GRID2: variants seen among roughly 807,000 people sequenced by gnomAD.
GRID2 encodes glutamate receptor ionotropic, delta-2.
Under a neutral mutation model 114.8 loss-of-function variants are expected in GRID2, and 33 were observed. That is an observed-to-expected ratio of 0.29 (90% confidence interval 0.22 to 0.38). The LOEUF is 0.38. Among genes scored for constraint, GRID2 ranks in the 10% least tolerant of loss-of-function variants. The probability of loss-of-function intolerance (pLI) is 1.00; values close to 1 mark genes in which losing one functional copy is unlikely to be tolerated. For missense variants in GRID2, 1,184 were observed against 1,257.7 expected (o/e 0.94, Z 0.89); for synonymous variants, 505 against 449.9 (o/e 1.12, Z -1.55).
At chr4:93,305,837 G>A (rs968324733) in intron 8 of GRID2, among the ~76,000 whole-genome samples, 5 of 150,752 alleles carry the variant, frequency 3.3e-5, no homozygotes, top group Admixed American at 6.6e-5. Flanking sequence ...GTCTGCCTTG[G>A]ACATAATACA....
intron 9 of GRID2, among the ~76,000 whole-genome samples, chr4:93,401,624 C>T (rs1289239886): frequency 1.3e-5 from 2 of 151,912 alleles, no homozygotes; most frequent in African/African-American, 4.8e-5. Flanking sequence ...GGAAATATAC[C>T]AATTAGAAAA....
At chr4:93,704,737 T>C (rs1027448866) in intron 14 of GRID2, among the ~76,000 whole-genome samples, 1 of 152,198 alleles carries the variant, frequency 6.6e-6, no homozygotes, top group Non-Finnish European at 1.5e-5. Context: ...TTTTTTCACC[T>C]AACATAATGA....
At chr4:93,475,790 A>G (rs1337097373) in intron 11 of GRID2, among the ~76,000 whole-genome samples, 1 of 152,114 alleles carries the variant, frequency 6.6e-6, no homozygotes, top group Non-Finnish European at 1.5e-5. Flanking sequence ...GATTGATTGA[A>G]TCTCTGAAAA....
chr4:93,394,896 T>C (rs146182130), intron 8 of GRID2, among the ~76,000 whole-genome samples: 19 of 152,120 alleles, frequency 1.2e-4, no homozygotes, highest in African/African-American at 4.1e-4. Context: ...TTCAGATATA[T>C]AGACAGTAAT....
intron 2 of GRID2, among the ~76,000 whole-genome samples, chr4:92,967,757 A>G (rs1289487980): frequency 1.3e-5 from 2 of 151,938 alleles, no homozygotes; most frequent in Non-Finnish European, 2.9e-5. Context: ...TATATTGTAG[A>G]ATGTGGAGGG....
intron 1 of GRID2, among the ~76,000 whole-genome samples, chr4:92,380,412 T>A (rs556788858): frequency 6.6e-5 from 10 of 152,112 alleles, no homozygotes; most frequent in Admixed American, 4.6e-4. Flanking sequence ...TCTGTGAAAT[T>A]TGTAACACAG....
chr4:92,733,182 A>G (rs1736415343), intron 2 of GRID2, among the ~76,000 whole-genome samples: 1 of 152,270 alleles, frequency 6.6e-6, no homozygotes, highest in Middle Eastern at 3.4e-3. Context: ...CTACTGTATC[A>G]CAGCACATTC....
intron 2 of GRID2, among the ~76,000 whole-genome samples, chr4:93,012,951 A>G (rs926107365): frequency 1.8e-4 from 27 of 152,054 alleles, no homozygotes; most frequent in African/African-American, 6.3e-4. Flanking sequence ...TGACATTGAA[A>G]TAATTAGAAT....
chr4:93,454,311 A>T (rs1359964958), intron 10 of GRID2, among the ~76,000 whole-genome samples: 1 of 152,104 alleles, frequency 6.6e-6, no homozygotes, highest in African/African-American at 2.4e-5. Context: ...AAAATGAATG[A>T]TAGCTGCAAT....
chr4:92,797,229 A>G (rs771297659), intron 2 of GRID2, among the ~76,000 whole-genome samples: 2 of 151,972 alleles, frequency 1.3e-5, no homozygotes, highest in Non-Finnish European at 1.5e-5. Context: ...ATTCAACATA[A>G]TAAACAACAT....
intron 14 of GRID2, among the ~76,000 whole-genome samples, chr4:93,662,500 A>G (rs1723588295): frequency 6.6e-6 from 1 of 152,156 alleles, no homozygotes; most frequent in African/African-American, 2.4e-5. Flanking sequence ...CTCTATCTTG[A>G]TCTGCTTCTA....
At chr4:92,517,084 T>G (rs1724535953) in intron 1 of GRID2, among the ~76,000 whole-genome samples, 1 of 142,814 alleles carries the variant, frequency 7.0e-6, no homozygotes, top group African/African-American at 2.4e-5. Flanking sequence ...AGTATTGCTC[T>G]TTGCTTGTAT....
At chr4:93,408,434 T>C (rs1766757422) in intron 9 of GRID2, among the ~76,000 whole-genome samples, 1 of 152,066 alleles carries the variant, frequency 6.6e-6, no homozygotes, top group Non-Finnish European at 1.5e-5. Flanking sequence ...CAGGATCTTA[T>C]AGGCAGGGTA....
intron 1 of GRID2, among the ~76,000 whole-genome samples, chr4:92,362,129 C>A (rs574797344): frequency 6.6e-6 from 1 of 152,136 alleles, no homozygotes; most frequent in Admixed American, 6.6e-5. Flanking sequence ...CAGTAGTTAT[C>A]ATAGGAGCCA....
intron 2 of GRID2, among the ~76,000 whole-genome samples, chr4:92,681,293 T>C (rs1733634989): frequency 1.3e-5 from 2 of 152,162 alleles, no homozygotes; most frequent in Non-Finnish European, 2.9e-5. Context: ...GATTTTTGAA[T>C]TGATGAAACT....
intron 8 of GRID2, among the ~76,000 whole-genome samples, chr4:93,314,459 C>T (rs574872108): frequency 7.9e-5 from 12 of 152,144 alleles, no homozygotes; most frequent in Admixed American, 7.9e-4. Flanking sequence ...CACTCTACTG[C>T]AGGTAGAAGC....
At chr4:93,018,353 C>T (rs1722972062) in intron 2 of GRID2, among the ~76,000 whole-genome samples, 1 of 152,008 alleles carries the variant, frequency 6.6e-6, no homozygotes, top group South Asian at 2.1e-4. Context: ...AGTGTCATTA[C>T]TTATTACAAC....
At chr4:92,316,807 CAGG>C (rs1726007601) in intron 1 of GRID2, among the ~76,000 whole-genome samples, 1 of 152,082 alleles carries the variant, frequency 6.6e-6, no homozygotes, top group Non-Finnish European at 1.5e-5. Context: ...GAAATGGGAT[CAGG>C]AGGTTATCAC....
At chr4:92,744,918 G>A (rs1019908998) in intron 2 of GRID2, among the ~76,000 whole-genome samples, 12 of 152,050 alleles carry the variant, frequency 7.9e-5, no homozygotes, top group African/African-American at 2.7e-4. Flanking sequence ...CAAAGGGAAG[G>A]GCTAATTTAG....
Sources: allele counts gnomAD v4.1 joint callset (sites outside exome capture counted in the v4.1 genomes callset), GRCh38; gene constraint gnomAD v4.1.1; transcripts MANE v1.5; gene names NCBI Gene and HGNC (gene_info 2026-07-23, HGNC 2026-07-21).